Variants in ZNF829 observed in about 807,000 individuals in gnomAD.
ZNF829 encodes zinc finger protein 829.
A neutral mutation model predicts 35.2 loss-of-function variants in ZNF829; 25 were observed. The ratio of observed to expected loss-of-function variants is 0.71; its 90% CI spans 0.52 to 0.99. The LOEUF is 0.99. Ranked by LOEUF, ZNF829 falls within the 50% of genes least tolerant of loss-of-function variation. The probability of loss-of-function intolerance (pLI) is 0.00; values close to 1 mark genes in which losing one functional copy is unlikely to be tolerated. For missense variants in ZNF829, 417 were observed against 515.3 expected, an observed-to-expected ratio of 0.81 and a Z score of 1.85; for synonymous variants, 136 against 163.2, an observed-to-expected ratio of 0.83 and a Z score of 1.27.
In ZNF829 at chr19:36,889,469, C is replaced by T. The variant is rs114111516; in HGVS notation, c.*2023G>A. The T allele has an allele frequency of 8.5e-5, 13 of 152,186 alleles. No individual in the cohort carries two copies. Among genetic ancestry groups the T allele is most frequent in the African/African-American group, 3.1e-4 (13 of 41,526 alleles). The allele number at this position is 152,186 out of a possible 1,614,324, so 9.4% of individuals were successfully genotyped here. A position where few individuals can be genotyped will look rare whatever the true frequency, so the allele number is the denominator to read the frequency against. On this transcript the variant is annotated 3_prime_UTR_variant, in exon 6 of 6. Transcript: ENST00000391711. ...TTTTTTTCTATTACTGATTCAATTT[C>T]AATACTCAGTAGTCTGTTGAGGATT...
At chr19:36,908,136 G>A (rs1433227712) in intron 4 of ZNF829, 112 bp from the exon 5 acceptor site, 1 of 1,172,712 alleles carries the variant, frequency 8.5e-7, no homozygotes, top group African/African-American at 1.6e-5. Flanking sequence ...ACCGGAGAAA[G>A]ATGGAGAAGA....
rs1274975052 is a variant in ZNF829 at position 36,899,749 on chromosome 19, T to A, written c.320-7278A>T. On this transcript the variant is annotated intron_variant, in intron 5 of 5. Coordinates refer to ENST00000391711, the MANE Select transcript of ZNF829 (RefSeq NM_001037232.4). ...CAGGAAAGTAGGTTTTAAGTACTCT[T>A]ACCCTAAACAAAAAAAAAAAGAAAG... Among the ~76,000 whole-genome samples, 3 of 137,584 alleles carry A rather than the reference T, an allele frequency of 2.2e-5. No homozygotes were observed. In the East Asian group the frequency reaches 5.9e-4, roughly 27 times the overall value. The allele number at this position is 137,584 out of a possible 152,430, so 90.3% of individuals were successfully genotyped here.
intron 3 of ZNF829, among the ~76,000 whole-genome samples, chr19:36,909,596 C>G (rs826286): frequency 0.024 from 3,687 of 152,136 alleles, 158 homozygotes; most frequent in African/African-American, 0.084. Flanking sequence ...ATCACCAGGT[C>G]AGGAGTTCGA....
At chr19:36,915,741 C>A (rs756363189) in intron 1 of ZNF829, 2 of 942,362 alleles carry the variant, frequency 2.1e-6, no homozygotes, top group Non-Finnish European at 3.2e-6. Flanking sequence ...GGATTACAGG[C>A]GCGCGCCACC....
chr19:36,909,137 T>C (rs2073242694), intron 3 of ZNF829, among the ~76,000 whole-genome samples: 1 of 152,136 alleles, frequency 6.6e-6, no homozygotes, highest in African/African-American at 2.4e-5. Context: ...AAAATGGTGA[T>C]GAAAGTGCCA....
At position 36,891,351 on chromosome 19, in the gene ZNF829, G is replaced by A; in HGVS notation, c.*141C>T. The stretch of plus-strand genomic sequence containing the variant: ...CTTGTTTTAAGCCACCAAGGTTTTG[G>A]TACTTGGTACTTTGTTATCGTATCG... On this transcript the variant is annotated 3_prime_UTR_variant, in exon 6 of 6. Transcript: ENST00000391711. 1.2e-6 allele frequency: 1 copy of A among 806,396 alleles called. No individual in the cohort carries two copies. The highest frequency in any genetic ancestry group is 3.0e-5 in the South Asian group (1 of 33,286). The allele number at this position is 806,396 out of a possible 1,614,324, so 50.0% of individuals were successfully genotyped here. A position where few individuals can be genotyped will look rare whatever the true frequency, so the allele number is the denominator to read the frequency against.
At position 36,914,984 on chromosome 19, in the gene ZNF829, A is replaced by G. The variant is rs1156303132; in HGVS notation, c.77T>C (p.Leu26Pro). 2.5e-6 allele frequency: 4 copies of G among 1,614,088 alleles called. No homozygotes were observed. In the African/African-American group the frequency reaches 5.3e-5, roughly 22 times the overall value. The change falls in exon 3 of 6, where the codon CTT (leucine) becomes CCT (proline). Residue 26 changes from leucine to proline, a missense_variant. By Grantham distance (98) the Leu-to-Pro change is moderately conservative. Transcript: ENST00000391711. Reference protein sequence around the residue: ...PEEEERMHDELLQAVSKGPVM... With the variant: ...PEEEERMHDEPLQAVSKGPVM... ...ACACACCTTGGATACTGCTTGTAGA[A>G]GTTCATCATGCATTCTTTCCTCCTC...
chr19:36,892,355 G>A lies in ZNF829; in HGVS notation c.436C>T (p.Pro146Ser). 6.2e-7 allele frequency: 1 copy of A among 1,613,650 alleles called. No individual in the cohort carries two copies. Among genetic ancestry groups the A allele is most frequent in the Non-Finnish European group, 8.5e-7 (1 of 1,179,932 alleles). ...TFIQPTFLIP[P>S]QKTMSEEKPW... ...TTCTCTTCACTCATAGTTTTTTGAG[G>A]TGGAATAAGAAATGTGGGCTGAATA... The change falls in exon 6 of 6, where the codon CCT becomes TCT. Residue 146 changes from proline (P) to serine (S), a missense_variant. By Grantham distance (74) the Pro-to-Ser change is moderately conservative. Transcript: ENST00000391711.
intron 5 of ZNF829, among the ~76,000 whole-genome samples, chr19:36,895,206 A>T (rs1334448748): frequency 1.3e-5 from 2 of 152,190 alleles, no homozygotes; most frequent in Non-Finnish European, 2.9e-5. Flanking sequence ...AGCCAAGAAT[A>T]CTGTACCTAG....
At position 36,899,101 on chromosome 19, in the gene ZNF829, C is replaced by T. The variant is rs566453799; in HGVS notation, c.320-6630G>A. ...GAATGGGAGAAAATATTTGCAAACT[C>T]TTCACCTGAGAAGGGACTAATATCC... is the stretch of plus-strand genomic sequence containing the variant. On this transcript the variant is annotated intron_variant, in intron 5 of 5. Transcript: ENST00000391711. Among the ~76,000 whole-genome samples, 25 of 152,234 alleles carry T rather than the reference C, an allele frequency of 1.6e-4. No individual in the cohort carries two copies. In the South Asian group the frequency reaches 5.2e-3, roughly 32 times the overall value.
intron 3 of ZNF829, among the ~76,000 whole-genome samples, chr19:36,913,407 T>C (rs2073280295): frequency 6.6e-6 from 1 of 152,184 alleles, no homozygotes; most frequent in South Asian, 2.1e-4. Context: ...TGGATAACCT[T>C]ACAATTTAGT....
chr19:36,897,078 AC>A (rs1380801305), intron 5 of ZNF829, among the ~76,000 whole-genome samples: 1 of 152,182 alleles, frequency 6.6e-6, no homozygotes, highest in Non-Finnish European at 1.5e-5. Flanking sequence ...ATGTCTCCCA[AC>A]AAAAAAAGCC....
intron 3 of ZNF829, 85 bp downstream of exon 3, chr19:36,914,880 G>A (rs983123252): frequency 7.5e-7 from 1 of 1,329,822 alleles, no homozygotes; most frequent in Non-Finnish European, 1.1e-6. Flanking sequence ...CCTTTTCTGT[G>A]ATGGGAAAAT....
In ZNF829 at chr19:36,914,981, A is replaced by G; in HGVS notation, c.80T>C (p.Leu27Pro). 1 of 1,614,204 alleles carries G rather than the reference A, an allele frequency of 6.2e-7. No homozygotes were observed. The highest frequency in any genetic ancestry group is 8.5e-7 in the Non-Finnish European group (1 of 1,180,018). ...EEEERMHDELLQAVSKGPVMF... is the reference protein window; with the variant it reads ...EEEERMHDELPQAVSKGPVMF... The stretch of plus-strand genomic sequence containing the variant: ...CCAACACACCTTGGATACTGCTTGT[A>G]GAAGTTCATCATGCATTCTTTCCTC... The change falls in exon 3 of 6, where the codon CTA becomes CCA. Residue 27 changes from leucine (L) to proline (P), a missense_variant. Leu to Pro is a moderately conservative substitution (Grantham distance 98, BLOSUM62 -3). Coordinates refer to ENST00000391711, the MANE Select transcript of ZNF829 (RefSeq NM_001037232.4).
chr19:36,891,582 A>G lies in ZNF829; in HGVS notation c.1209T>C (p.Thr403=). Residue 403 remains threonine, a synonymous_variant, in exon 6 of 6, where the codon ACT becomes ACC. Coordinates refer to ENST00000391711, the MANE Select transcript of ZNF829 (RefSeq NM_001037232.4). ...CCTTACAGTCATAGGGTTTCTCACC[A>G]GTGTGAATTCTCTGATGTCGAGTAA... ...SNLTRHQRIH[T]GEKPYDCKEC... is the part of the protein sequence containing the mutation. The G allele has an allele frequency of 6.2e-7, 1 of 1,613,546 alleles. No homozygotes were observed. Among genetic ancestry groups the G allele is most frequent in the Non-Finnish European group, 8.5e-7 (1 of 1,179,732 alleles).
At chr19:36,897,888 G>T (rs890197004) in intron 5 of ZNF829, among the ~76,000 whole-genome samples, 1 of 152,186 alleles carries the variant, frequency 6.6e-6, no homozygotes, top group African/African-American at 2.4e-5. Flanking sequence ...TAAGTAGTAC[G>T]CTGGGCACGG....
Position 36,889,252 on chromosome 19 carries a change from GTT to G in ZNF829, c.*2238_*2239del, listed in dbSNP as rs963782184. 6.6e-6 allele frequency: 1 copy of G among 152,014 alleles called. No homozygotes were observed. The highest frequency in any genetic ancestry group is 1.5e-5 in the Non-Finnish European group (1 of 67,996). The allele number at this position is 152,014 out of a possible 1,614,324, so 9.4% of individuals were successfully genotyped here. ...TTTTCATCAGGGATATTGGCTTGTA[GTT>G]TTTTTGTGTGTTTTATCCTTGCCTG... On this transcript the variant is annotated 3_prime_UTR_variant, in exon 6 of 6. Coordinates refer to ENST00000391711, the MANE Select transcript of ZNF829 (RefSeq NM_001037232.4).
At chr19:36,901,231 A>C (rs2073162925) in intron 5 of ZNF829, among the ~76,000 whole-genome samples, 1 of 152,256 alleles carries the variant, frequency 6.6e-6, no homozygotes, top group African/African-American at 2.4e-5. Context: ...ATGAACCCTG[A>C]AAAGCATTAA....
At chr19:36,909,624 T>C (rs1156821443) in intron 3 of ZNF829, among the ~76,000 whole-genome samples, 1 of 151,892 alleles carries the variant, frequency 6.6e-6, no homozygotes, top group Non-Finnish European at 1.5e-5. Flanking sequence ...CTGGCCAACA[T>C]GATGAAACCC....
Sources: gnomAD v4.1 joint callset for allele counts (sites outside exome capture counted in the v4.1 genomes callset) on GRCh38, gnomAD v4.1.1 for gene constraint, MANE v1.5 for transcripts, NCBI Gene and HGNC (gene_info 2026-07-23, HGNC 2026-07-21) for gene names.